The following ZCCHC7 variants were observed in gnomAD, a reference collection of about 807,000 sequenced individuals.
ZCCHC7 encodes zinc finger CCHC-type containing 7.
In ZCCHC7, 35 loss-of-function variants were observed where a neutral mutation model predicts 52.0. The ratio of observed to expected loss-of-function variants is 0.67; its 90% CI spans 0.51 to 0.89. The LOEUF (loss-of-function observed/expected upper bound fraction) is 0.89, where lower values mean the gene tolerates loss of function less well. Among genes scored for constraint, ZCCHC7 ranks in the 40% least tolerant of loss-of-function variants. ZCCHC7 has a pLI of 0.00. For synonymous variants in ZCCHC7, 217 were observed against 221.5 expected (o/e 0.98, Z 0.18); for missense variants, 574 against 649.1 (o/e 0.88, Z 1.26).
intron 2 of ZCCHC7, among the ~76,000 whole-genome samples, chr9:37,284,946 G>T (rs1016921739): frequency 6.6e-6 from 1 of 152,044 alleles, no homozygotes; most frequent in African/African-American, 2.4e-5. Flanking sequence ...ATATTTCTAT[G>T]TACAAATTTA....
intron 2 of ZCCHC7, among the ~76,000 whole-genome samples, chr9:37,205,990 T>C (rs1421102960): frequency 2.0e-5 from 3 of 152,198 alleles, no homozygotes; most frequent in Non-Finnish European, 4.4e-5. Flanking sequence ...TTAGTCATTA[T>C]TAAATGTTTC....
chr9:37,203,550 G>A (rs984483790), intron 2 of ZCCHC7, among the ~76,000 whole-genome samples: 11 of 152,170 alleles, frequency 7.2e-5, no homozygotes, highest in African/African-American at 9.7e-5. Context: ...ATGAGAACAT[G>A]TGGTGTTTGG....
chr9:37,191,246 A>G (rs932433617), intron 2 of ZCCHC7, among the ~76,000 whole-genome samples: 1 of 152,186 alleles, frequency 6.6e-6, no homozygotes, highest in African/African-American at 2.4e-5. Context: ...AATTTGTCAT[A>G]AGATTCTAGG....
At chr9:37,316,509 C>T (rs1588660775) in intron 5 of ZCCHC7, among the ~76,000 whole-genome samples, 2 of 151,332 alleles carry the variant, frequency 1.3e-5, no homozygotes, top group African/African-American at 2.4e-5. Context: ...ATTTTTAGTA[C>T]AGATGGGGTT....
intron 6 of ZCCHC7, 84 bp from the exon 7 acceptor site, chr9:37,349,273 C>T (rs1821215878): frequency 3.6e-6 from 5 of 1,383,704 alleles, no homozygotes; most frequent in Admixed American, 1.9e-5. Context: ...TAAGGAATCC[C>T]TTACCTATAA....
At chr9:37,288,097 A>G (rs1331572843) in intron 2 of ZCCHC7, among the ~76,000 whole-genome samples, 1 of 151,940 alleles carries the variant, frequency 6.6e-6, no homozygotes, top group Non-Finnish European at 1.5e-5. Context: ...TGGGCATCAT[A>G]GCAAAACCCC....
intron 2 of ZCCHC7, among the ~76,000 whole-genome samples, chr9:37,144,523 A>G (rs1287390177): frequency 6.6e-6 from 1 of 151,978 alleles, no homozygotes; most frequent in East Asian, 1.9e-4. Flanking sequence ...AGAAAAATTT[A>G]TACATGATAT....
chr9:37,260,821 G>A (rs987581539), intron 2 of ZCCHC7, among the ~76,000 whole-genome samples: 3 of 152,172 alleles, frequency 2.0e-5, no homozygotes, highest in African/African-American at 7.2e-5. Flanking sequence ...CAGGACTGTA[G>A]CTATTGAATC....
At chr9:37,209,046 A>AT (rs1389275149) in intron 2 of ZCCHC7, among the ~76,000 whole-genome samples, 135 of 147,170 alleles carry the variant, frequency 9.2e-4, no homozygotes, top group South Asian at 5.4e-3. Context: ...TACAACCGCA[A>AT]TTTTTTTTTT....
At chr9:37,215,486 G>A (rs1305300565) in intron 2 of ZCCHC7, among the ~76,000 whole-genome samples, 1 of 152,188 alleles carries the variant, frequency 6.6e-6, no homozygotes, top group African/African-American at 2.4e-5. Context: ...TCCCTAAGGA[G>A]CGTGGTTATA....
rs1370311050 is a variant in ZCCHC7 at position 37,346,988 on chromosome 9, C to T, written c.988-2369C>T. Among the ~76,000 whole-genome samples the T allele has an allele frequency of 3.3e-5, 5 of 151,814 alleles. No individual in the cohort carries two copies. The East Asian group carries it at 5.8e-4, about 18-fold the overall frequency. On this transcript the variant is annotated intron_variant, in intron 6 of 8. Transcript: ENST00000336755. Reference sequence around the variant, plus strand: ...TCCACCTTGGGCAACAGGGGAAGACCCTGTCCAAAAAAAAAATTAGTTGGC... The same window carrying T: ...TCCACCTTGGGCAACAGGGGAAGACTCTGTCCAAAAAAAAAATTAGTTGGC...
At chr9:37,329,812 G>A (rs1830385568) in intron 6 of ZCCHC7, among the ~76,000 whole-genome samples, 1 of 151,870 alleles carries the variant, frequency 6.6e-6, no homozygotes, top group African/African-American at 2.4e-5. Context: ...ACACATGAAT[G>A]TTGAGTCAAT....
chr9:37,253,336 G>C (rs758386840), intron 2 of ZCCHC7, among the ~76,000 whole-genome samples: 8 of 151,774 alleles, frequency 5.3e-5, no homozygotes, highest in Non-Finnish European at 1.0e-4. Flanking sequence ...GGTGAGGTTG[G>C]CTTACCAGGA....
intron 1 of ZCCHC7, chr9:37,121,757 A>G (rs1468873252): frequency 6.6e-6 from 1 of 152,130 alleles, no homozygotes; most frequent in Non-Finnish European, 1.5e-5. Flanking sequence ...CGTAAAAATC[A>G]TATATATATC....
chr9:37,156,452 A>T (rs976513910), intron 2 of ZCCHC7, among the ~76,000 whole-genome samples: 1 of 152,238 alleles, frequency 6.6e-6, no homozygotes, highest in African/African-American at 2.4e-5. Flanking sequence ...CACAGCATAT[A>T]ATAGAGTGCC....
intron 6 of ZCCHC7, among the ~76,000 whole-genome samples, chr9:37,332,803 G>C (rs1830502514): frequency 6.6e-6 from 1 of 151,526 alleles, no homozygotes; most frequent in African/African-American, 2.4e-5. Context: ...CTACTGTAAA[G>C]GAAAGGGGGA....
At chr9:37,230,071 AAC>A (rs1216322595) in intron 2 of ZCCHC7, among the ~76,000 whole-genome samples, 16 of 152,204 alleles carry the variant, frequency 1.1e-4, no homozygotes, top group African/African-American at 2.4e-5. Flanking sequence ...CAGGGACAAA[AAC>A]ACACACAGAA....
chr9:37,304,393 C>T, intron 4 of ZCCHC7, 80 bp downstream of exon 4: 1 of 1,520,008 alleles, frequency 6.6e-7, no homozygotes, highest in African/African-American at 1.4e-5. Flanking sequence ...GTGGCTCATG[C>T]CTGTAATCCC....
chr9:37,177,018 T>C (rs1412124432), intron 2 of ZCCHC7, among the ~76,000 whole-genome samples: 10 of 152,132 alleles, frequency 6.6e-5, no homozygotes, highest in Admixed American at 1.3e-4. Context: ...CAACAGAAAG[T>C]TGAGAGCTTC....
Sources: allele counts gnomAD v4.1 joint callset (sites outside exome capture counted in the v4.1 genomes callset), GRCh38; gene constraint gnomAD v4.1.1; transcripts MANE v1.5; gene names NCBI Gene and HGNC (gene_info 2026-07-23, HGNC 2026-07-21).